Variants in NIPA1 observed in about 807,000 individuals in gnomAD.
NIPA1 encodes NIPA magnesium transporter 1, also known as magnesium transporter NIPA1.
In NIPA1, 13 loss-of-function variants were observed where a neutral mutation model predicts 23.9. That is an observed-to-expected ratio of 0.54 (90% confidence interval 0.35 to 0.87). The LOEUF is 0.87. NIPA1 is among the 40% of genes least tolerant of loss of function. NIPA1 has a pLI of 0.01. For synonymous variants in NIPA1, 234 were observed against 202.9 expected (o/e 1.15, Z -1.30); for missense variants, 362 against 429.7 (o/e 0.84, Z 1.39).
At chr15:22,794,071 A>AT (rs138087983) in intron 1 of NIPA1, among the ~76,000 whole-genome samples, 10 of 144,038 alleles carry the variant, frequency 6.9e-5, no homozygotes, top group South Asian at 2.2e-4. Context: ...CTTCATATGA[A>AT]TTTTTTTTTT....
intron 1 of NIPA1, among the ~76,000 whole-genome samples, chr15:22,801,395 T>G (rs10400810): frequency 0.73 from 111,235 of 151,372 alleles, 42,345 homozygotes; most frequent in African/African-American, 0.93. Flanking sequence ...GGCCTCAGGG[T>G]GCGTGGGGGC....
Position 22,823,733 on chromosome 15 carries a change from G to T in NIPA1, c.484G>T (p.Val162Leu), listed in dbSNP as rs755348129. ...LEEKLTNPVF[V>L]GYLCIVLLML... The stretch of plus-strand genomic sequence containing the variant: ...GTGTGCTGTCTGTGTTCCAGTGTTT[G>T]TGGGCTACCTGTGCATCGTGCTGCT... Residue 162 changes from valine (V) to leucine (L), a missense_variant, in exon 5 of 5, where the codon GTG becomes TTG. Physicochemically the swap from Val to Leu is conservative, Grantham distance 32. Around this residue, in one of 2 missense-constraint regions of NIPA1, gnomAD observed 277 missense variants for 372.0 expected, o/e 0.74. Coordinates refer to ENST00000337435, the MANE Select transcript of NIPA1 (RefSeq NM_144599.5). The T allele has an allele frequency of 1.2e-6, 2 of 1,606,150 alleles. No individual in the cohort carries two copies. Among genetic ancestry groups the T allele is most frequent in the Non-Finnish European group, 1.7e-6 (2 of 1,178,584 alleles).
intron 2 of NIPA1, 29 bp downstream of exon 2, chr15:22,810,825 C>T (rs755735520): frequency 1.3e-6 from 2 of 1,563,002 alleles, no homozygotes; most frequent in East Asian, 4.5e-5. Context: ...GAAGTCTGGT[C>T]TTTTCCTTTC....
intron 3 of NIPA1, chr15:22,813,955 T>C: frequency 2.3e-6 from 1 of 437,286 alleles, no homozygotes; most frequent in Non-Finnish European, 4.6e-6. Context: ...CCTGGTGATC[T>C]TGGCACGTGG....
intron 1 of NIPA1, among the ~76,000 whole-genome samples, chr15:22,788,644 T>C (rs1050605609): frequency 6.6e-6 from 1 of 152,184 alleles, no homozygotes; most frequent in East Asian, 1.9e-4. Flanking sequence ...GAAAGCTGAA[T>C]ACCAGCTTTA....
At chr15:22,797,652 C>A (rs545382689) in intron 1 of NIPA1, among the ~76,000 whole-genome samples, 2 of 151,434 alleles carry the variant, frequency 1.3e-5, no homozygotes, top group Non-Finnish European at 2.9e-5. Context: ...TATAGGCATG[C>A]GCCACCACGC....
At chr15:22,819,334 C>T (rs544742182) in intron 3 of NIPA1, 1 of 152,258 alleles carries the variant, frequency 6.6e-6, no homozygotes, top group South Asian at 2.1e-4. Flanking sequence ...GGTATGCCCT[C>T]CTCCCGGACG....
chr15:22,801,997 G>C (rs980248387), intron 1 of NIPA1, among the ~76,000 whole-genome samples: 2 of 152,152 alleles, frequency 1.3e-5, no homozygotes, highest in Middle Eastern at 3.2e-3. Context: ...CTGAAACAGG[G>C]AATGACATTT....
At chr15:22,800,442 G>A (rs1371202673) in intron 1 of NIPA1, among the ~76,000 whole-genome samples, 1 of 152,054 alleles carries the variant, frequency 6.6e-6, no homozygotes, top group Non-Finnish European at 1.5e-5. Context: ...TTAGAATCAG[G>A]ATGCAGTTAA....
intron 1 of NIPA1, among the ~76,000 whole-genome samples, chr15:22,792,200 A>T (rs1042077545): frequency 6.6e-6 from 1 of 152,182 alleles, no homozygotes; most frequent in Admixed American, 6.5e-5. Flanking sequence ...GCCTTCACTC[A>T]GCAGGTGCAG....
intron 1 of NIPA1, among the ~76,000 whole-genome samples, chr15:22,787,682 G>A (rs1420382623): frequency 6.6e-6 from 1 of 152,182 alleles, no homozygotes; most frequent in Non-Finnish European, 1.5e-5. Context: ...ATTGCTTCCA[G>A]AGGGACTGAG....
intron 1 of NIPA1, among the ~76,000 whole-genome samples, chr15:22,790,442 AC>A (rs1359659803): frequency 8.0e-6 from 1 of 124,504 alleles, no homozygotes; most frequent in African/African-American, 3.1e-5. Flanking sequence ...TTTTTTTGAG[AC>A]GGAGTTTTGC....
intron 1 of NIPA1, among the ~76,000 whole-genome samples, chr15:22,797,012 C>G (rs952285676): frequency 6.6e-6 from 1 of 151,280 alleles, no homozygotes. Flanking sequence ...ATCTCTCCAC[C>G]TGGAGGTGGC....
At position 22,828,270 on chromosome 15, in the gene NIPA1, A is replaced by T. The variant is rs1191365808; in HGVS notation, c.*4031A>T. Reference sequence around the variant, plus strand: ...TTCATTTTTCATAGGTTTTACTCATATTCATAGGTAGATTCTGTTAATGTG... The same window carrying T: ...TTCATTTTTCATAGGTTTTACTCATTTTCATAGGTAGATTCTGTTAATGTG... On this transcript the variant is annotated 3_prime_UTR_variant, in exon 5 of 5. Coordinates refer to ENST00000337435, the MANE Select transcript of NIPA1 (RefSeq NM_144599.5). 6.6e-6 allele frequency: 1 copy of T among 152,576 alleles called. No homozygotes were observed. The highest frequency in any genetic ancestry group is 2.4e-5 in the African/African-American group (1 of 41,424). The allele number at this position is 152,576 out of a possible 1,614,324, so 9.5% of individuals were successfully genotyped here.
chr15:22,787,260 G>C (rs1028186775), intron 1 of NIPA1, among the ~76,000 whole-genome samples: 1 of 152,160 alleles, frequency 6.6e-6, no homozygotes, highest in African/African-American at 2.4e-5. Context: ...CTCGAGCCCA[G>C]CGCCCGCCTG....
At chr15:22,805,061 C>T (rs961613804) in intron 1 of NIPA1, among the ~76,000 whole-genome samples, 4 of 151,884 alleles carry the variant, frequency 2.6e-5, no homozygotes, top group Non-Finnish European at 5.9e-5. Context: ...AGGATGGTCT[C>T]AATCTCCTGA....
chr15:22,810,919 T>C, intron 2 of NIPA1, 123 bp downstream of exon 2: 2 of 800,746 alleles, frequency 2.5e-6, no homozygotes, highest in Non-Finnish European at 2.3e-6. Context: ...TCGCGTGGCC[T>C]CTCCCCAGGC....
chr15:22,786,862 C>T (rs1175185487), intron 1 of NIPA1, 28 bp downstream of exon 1: 2 of 152,914 alleles, frequency 1.3e-5, no homozygotes, highest in Non-Finnish European at 2.6e-5. Flanking sequence ...CGGCAGGCGG[C>T]GGGCGGGTGG....
chr15:22,798,360 C>T, intron 1 of NIPA1, among the ~76,000 whole-genome samples: 1 of 150,688 alleles, frequency 6.6e-6, no homozygotes, highest in South Asian at 2.1e-4. Flanking sequence ...CTGCCTCAGC[C>T]TCCCGAGTAG....
Sources: allele counts gnomAD v4.1 joint callset (sites outside exome capture counted in the v4.1 genomes callset), GRCh38; gene constraint gnomAD v4.1.1; regional missense constraint gnomAD v4.1.1; transcripts MANE v1.5; gene names NCBI Gene and HGNC (gene_info 2026-07-23, HGNC 2026-07-21).